The following FARS2 variants were observed in gnomAD, a reference collection of about 807,000 sequenced individuals.
The protein encoded by FARS2 is phenylalanyl-tRNA synthetase 2, mitochondrial, also known as phenylalanine--tRNA ligase, mitochondrial.
A neutral mutation model predicts 46.4 loss-of-function variants in FARS2; 40 were observed. The ratio of observed to expected loss-of-function variants is 0.86; its 90% confidence interval spans 0.67 to 1.12. The LOEUF is 1.12. Ranked by LOEUF, FARS2 falls within the 50% of genes most tolerant of loss-of-function variation. FARS2 has a pLI of 0.00. For missense variants in FARS2, 513 were observed against 567.9 expected, an observed-to-expected ratio of 0.90 and a Z score of 0.98; for synonymous variants, 234 against 214.9, an observed-to-expected ratio of 1.09 and a Z score of -0.78.
rs1305774284 is a variant in FARS2, at chr6:5,630,399, T to A, written c.1217+17079T>A. Among the ~76,000 whole-genome samples, 1 of 152,192 alleles carries A rather than the reference T, an allele frequency of 6.6e-6. No homozygotes were observed. Among genetic ancestry groups the A allele is most frequent in the Non-Finnish European group, 1.5e-5 (1 of 68,036 alleles). The stretch of plus-strand genomic sequence containing the variant: ...AATGGTAGAAAAATACTTTGGATGA[T>A]CATGTTTCTTTAAATATCCCACCCG... On this transcript the variant is annotated intron_variant, in intron 6 of 6. Coordinates refer to ENST00000274680, the MANE Select transcript of FARS2 (RefSeq NM_006567.5). This position sits in a 1 kb window ranked among gnomAD's most constrained non-coding sequence, Gnocchi z 4.2.
At chr6:5,694,393 C>T (rs1757963557) in intron 6 of FARS2, among the ~76,000 whole-genome samples, 1 of 152,038 alleles carries the variant, frequency 6.6e-6, no homozygotes, top group Non-Finnish European at 1.5e-5. Flanking sequence ...TACCTTTTTT[C>T]CTGAATAATA....
At chr6:5,300,490 G>A (rs777633501) in intron 1 of FARS2, among the ~76,000 whole-genome samples, 4 of 152,020 alleles carry the variant, frequency 2.6e-5, no homozygotes, top group Non-Finnish European at 4.4e-5. Context: ...ATTTCATGAC[G>A]GTTGTGGGGA....
chr6:5,699,571 G>A (rs1204415594), intron 6 of FARS2, among the ~76,000 whole-genome samples: 9 of 151,192 alleles, frequency 6.0e-5, no homozygotes, highest in Non-Finnish European at 1.0e-4. Context: ...GCAGTGGCGC[G>A]ATCTCGGCTC....
intron 6 of FARS2, among the ~76,000 whole-genome samples, chr6:5,629,608 TG>T (rs1776200350): frequency 6.6e-6 from 1 of 152,176 alleles, no homozygotes; most frequent in African/African-American, 2.4e-5. Context: ...TGGGCTTTCC[TG>T]GTAGAAAATG....
At chr6:5,474,037 T>G (rs1765965741) in intron 4 of FARS2, among the ~76,000 whole-genome samples, 1 of 152,122 alleles carries the variant, frequency 6.6e-6, no homozygotes, top group Non-Finnish European at 1.5e-5. Context: ...CCATGTAGCC[T>G]CCCAATAACC....
At chr6:5,643,583 C>T (rs1210867400) in intron 6 of FARS2, among the ~76,000 whole-genome samples, 1 of 152,130 alleles carries the variant, frequency 6.6e-6, no homozygotes, top group African/African-American at 2.4e-5. Flanking sequence ...TCACATGCTA[C>T]CCTTATATAC....
At chr6:5,708,384 ATT>A (rs1758899135) in intron 6 of FARS2, among the ~76,000 whole-genome samples, 2 of 152,244 alleles carry the variant, frequency 1.3e-5, no homozygotes, top group South Asian at 4.1e-4. Context: ...CAGCTCACAC[ATT>A]ACTCAGGAAG....
At chr6:5,272,271 TTC>T in intron 1 of FARS2, among the ~76,000 whole-genome samples, 1 of 152,344 alleles carries the variant, frequency 6.6e-6, no homozygotes, top group African/African-American at 2.4e-5. Flanking sequence ...ACCATATTCT[TTC>T]TCTTTTTCAT....
chr6:5,542,426 C>G (rs925436999), intron 4 of FARS2, among the ~76,000 whole-genome samples: 3 of 152,160 alleles, frequency 2.0e-5, no homozygotes, highest in Non-Finnish European at 2.9e-5. Context: ...TAGGTAAATA[C>G]TTAGGAATGG....
Position 5,756,937 on chromosome 6 carries a change from C to T in FARS2, c.1218-14354C>T, listed in dbSNP as rs140743251. On this transcript the variant is annotated intron_variant, in intron 6 of 6. Transcript: ENST00000274680. Reference sequence around the variant, plus strand: ...TATTTGCCCAGTAAAAAATTCAGCACGAAGCAATGGGGCCTAAAAATGTTG... The same window carrying T: ...TATTTGCCCAGTAAAAAATTCAGCATGAAGCAATGGGGCCTAAAAATGTTG... Among the ~76,000 whole-genome samples the T allele has an allele frequency of 6.4e-3, 975 of 152,280 alleles. 15 individuals are homozygous for T. Among genetic ancestry groups the T allele is most frequent in the African/African-American group, 0.022 (924 of 41,536 alleles).
At chr6:5,456,127 AT>A (rs1764842041) in intron 4 of FARS2, among the ~76,000 whole-genome samples, 1 of 152,048 alleles carries the variant, frequency 6.6e-6, no homozygotes. Flanking sequence ...AGGCAGGAGG[AT>A]TGCTTGAGCC....
chr6:5,439,672 G>T (rs146744743), intron 4 of FARS2, among the ~76,000 whole-genome samples: 1 of 152,186 alleles, frequency 6.6e-6, no homozygotes, highest in Non-Finnish European at 1.5e-5. Context: ...GGATAATTGC[G>T]TGACACACAT....
intron 2 of FARS2, among the ~76,000 whole-genome samples, chr6:5,397,395 C>T (rs1760973829): frequency 6.6e-6 from 1 of 152,072 alleles, no homozygotes; most frequent in Admixed American, 6.5e-5. Context: ...TTGTTTAAAC[C>T]CATAGAATGT....
Position 5,368,783 on chromosome 6 carries a change from C to T in FARS2, c.213C>T (p.Leu71=), listed in dbSNP as rs748813583. The T allele has an allele frequency of 1.9e-5, 30 of 1,614,094 alleles. No individual in the cohort carries two copies. Among genetic ancestry groups the T allele is most frequent in the Non-Finnish European group, 2.5e-5 (29 of 1,180,044 alleles). ...DDHSNLTRKV[L]TRVGRNLHNQ... is the part of the protein sequence containing the mutation. The stretch of plus-strand genomic sequence containing the variant: ...ACAGCAACCTCACCCGGAAGGTCCT[C>T]ACCAGAGTTGGCAGGAACCTGCACA... The change falls in exon 2 of 7, where the codon CTC becomes CTT. Residue 71 remains leucine (L), a synonymous_variant. Transcript: ENST00000274680.
intron 4 of FARS2, among the ~76,000 whole-genome samples, chr6:5,516,645 C>T (rs1325502732): frequency 6.6e-6 from 1 of 152,178 alleles, no homozygotes; most frequent in African/African-American, 2.4e-5. Context: ...TGCCTAAGAT[C>T]CCTTATAACT....
At chr6:5,475,896 T>G in intron 4 of FARS2, among the ~76,000 whole-genome samples, 1 of 152,138 alleles carries the variant, frequency 6.6e-6, no homozygotes, top group Middle Eastern at 3.2e-3. Flanking sequence ...TGATGTTGTT[T>G]TCTCCCATGA....
intron 5 of FARS2, among the ~76,000 whole-genome samples, chr6:5,600,966 G>A (rs148503965): frequency 6.6e-6 from 1 of 152,248 alleles, no homozygotes; most frequent in Admixed American, 6.5e-5. Context: ...CATGAGGGTA[G>A]ATCTCTCAGG....
intron 6 of FARS2, among the ~76,000 whole-genome samples, chr6:5,768,970 C>T (rs974379511): frequency 6.6e-6 from 1 of 152,062 alleles, no homozygotes; most frequent in South Asian, 2.1e-4. Context: ...AAAAAAAATG[C>T]CTAATTTTGA....
chr6:5,341,214 TATATATATA>T (rs1771572140), intron 1 of FARS2, among the ~76,000 whole-genome samples: 2 of 9,222 alleles, frequency 2.2e-4, no homozygotes, highest in African/African-American at 4.8e-4. Flanking sequence ...TATATATATA[TATATATATA>T]TATATATATA....
Sources: gnomAD v4.1 joint callset for allele counts (sites outside exome capture counted in the v4.1 genomes callset) on GRCh38, gnomAD v4.1.1 for gene constraint, Gnocchi (gnomAD v3.1) non-coding constraint, MANE v1.5 for transcripts, NCBI Gene and HGNC (gene_info 2026-07-23, HGNC 2026-07-21) for gene names.